TNFAIP8: variants seen among roughly 807,000 people sequenced by gnomAD.
TNFAIP8 encodes tumor necrosis factor alpha-induced protein 8.
Under a neutral mutation model 13.3 loss-of-function variants are expected in TNFAIP8, and 7 were observed. The observed-to-expected ratio is 0.52, with a 90% CI of 0.30 to 0.99. The LOEUF (loss-of-function observed/expected upper bound fraction) is 0.99. Among genes scored for constraint, TNFAIP8 ranks in the 50% least tolerant of loss-of-function variants. The pLI, the probability that TNFAIP8 is intolerant of heterozygous loss-of-function variation, is 0.07. For synonymous variants in TNFAIP8, 94 were observed against 87.6 expected, an observed-to-expected ratio of 1.07 and a Z score of -0.41; for missense variants, 258 against 236.9, an observed-to-expected ratio of 1.09 and a Z score of -0.58.
intron 1 of TNFAIP8, among the ~76,000 whole-genome samples, chr5:119,280,469 C>A (rs891042496): frequency 6.6e-6 from 1 of 151,878 alleles, no homozygotes; most frequent in African/African-American, 2.4e-5. Context: ...GTGTTGATAA[C>A]AAGAAAGATT....
At chr5:119,298,815 C>G (rs1389647154) in intron 1 of TNFAIP8, among the ~76,000 whole-genome samples, 1 of 152,044 alleles carries the variant, frequency 6.6e-6, no homozygotes, top group East Asian at 1.9e-4. Context: ...TCTTTTTATT[C>G]TTTTTTCTCT....
At chr5:119,351,621 C>A (rs1020257669), upstream of TNFAIP8, among the ~76,000 whole-genome samples, 1 of 152,092 alleles carries the variant, frequency 6.6e-6, no homozygotes, top group Non-Finnish European at 1.5e-5. Flanking sequence ...GTAGCCCCAT[C>A]GCTAAGTTGA....
At chr5:119,369,023 A>G (rs1562023500) in intron 1 of TNFAIP8, among the ~76,000 whole-genome samples, 1 of 151,860 alleles carries the variant, frequency 6.6e-6, no homozygotes, top group Non-Finnish European at 1.5e-5. Flanking sequence ...GGGAACTGTT[A>G]ACATAAGCCA....
chr5:119,298,914 C>G (rs1237018461), intron 1 of TNFAIP8, among the ~76,000 whole-genome samples: 2 of 152,236 alleles, frequency 1.3e-5, no homozygotes, highest in African/African-American at 2.4e-5. Context: ...CCTGAGGCTT[C>G]TGCATTCTTC....
chr5:119,288,654 A>G (rs1049441781), intron 1 of TNFAIP8, among the ~76,000 whole-genome samples: 7 of 152,214 alleles, frequency 4.6e-5, no homozygotes, highest in African/African-American at 1.4e-4. Context: ...TTTGCTAATA[A>G]ATTTCAGGTC....
At chr5:119,317,600 T>A (rs4895366) in intron 1 of TNFAIP8, among the ~76,000 whole-genome samples, 40,942 of 145,974 alleles carry the variant, frequency 0.28, 6,464 homozygotes, top group Non-Finnish European at 0.36. Flanking sequence ...TAATAATAAT[T>A]ATTATTATTA....
At chr5:119,354,467 A>G (rs1316400841), upstream of TNFAIP8, 2 of 152,192 alleles carry the variant, frequency 1.3e-5, no homozygotes, top group South Asian at 2.1e-4. Context: ...ATTAATATTT[A>G]TAATAGCCTT....
chr5:119,325,785 C>A (rs934607871), intron 1 of TNFAIP8, among the ~76,000 whole-genome samples: 2 of 152,284 alleles, frequency 1.3e-5, no homozygotes, highest in Admixed American at 1.3e-4. Flanking sequence ...CCCTTGCTTC[C>A]GTCACTGTAG....
At chr5:119,368,633 A>G (rs1031922446) in intron 1 of TNFAIP8, among the ~76,000 whole-genome samples, 17 of 152,224 alleles carry the variant, frequency 1.1e-4, no homozygotes, top group African/African-American at 4.1e-4. Context: ...TGTTTTTCAA[A>G]TAAGAAACTG....
intron 1 of TNFAIP8, among the ~76,000 whole-genome samples, chr5:119,299,676 T>C (rs1397354637): frequency 3.3e-5 from 5 of 152,218 alleles, no homozygotes; most frequent in Non-Finnish European, 7.3e-5. Flanking sequence ...CAGAGGTTAC[T>C]GCTGTCTTTT....
rs1291735112 is a variant in TNFAIP8 at position 119,396,170 on chromosome 5, T to C, written c.*2789T>C. 6.6e-6 allele frequency: 1 copy of C among 152,214 alleles called. No homozygotes were observed. Among genetic ancestry groups the C allele is most frequent in the Non-Finnish European group, 1.5e-5 (1 of 68,036 alleles). The allele number at this position is 152,214 out of a possible 1,614,324, so 9.4% of individuals were successfully genotyped here. A position where few individuals can be genotyped will look rare whatever the true frequency, so the allele number is the denominator to read the frequency against. ...ATCTTATTTTCACTTAAAGATGATATGGCTAAAGGCAGTGCTAGGAACATC... is the reference window on the plus strand; with the variant it reads ...ATCTTATTTTCACTTAAAGATGATACGGCTAAAGGCAGTGCTAGGAACATC... On this transcript the variant is annotated 3_prime_UTR_variant, in exon 2 of 2. Transcript: ENST00000504771.
chr5:119,353,395 AG>A (rs2112764267), upstream of TNFAIP8, among the ~76,000 whole-genome samples: 1 of 152,334 alleles, frequency 6.6e-6, no homozygotes, highest in African/African-American at 2.4e-5. Flanking sequence ...GTTGCAGGGT[AG>A]GGGTATGGGG....
At chr5:119,373,708 C>T (rs1361574214) in intron 1 of TNFAIP8, among the ~76,000 whole-genome samples, 1 of 152,154 alleles carries the variant, frequency 6.6e-6, no homozygotes, top group Non-Finnish European at 1.5e-5. Context: ...GGTACGTATG[C>T]CACTGGTAGT....
chr5:119,375,556 G>A (rs1445968060), intron 1 of TNFAIP8, among the ~76,000 whole-genome samples: 1 of 152,060 alleles, frequency 6.6e-6, no homozygotes, highest in Non-Finnish European at 1.5e-5. Flanking sequence ...CGTATATTTT[G>A]GAAAACGTTT....
At chr5:119,345,890 T>C (rs1750881872) in intron 1 of TNFAIP8, among the ~76,000 whole-genome samples, 2 of 152,272 alleles carry the variant, frequency 1.3e-5, no homozygotes, top group South Asian at 4.1e-4. Context: ...CCACAATTTT[T>C]AAAAAATACA....
chr5:119,356,714 TTGTC>T (rs1376928787), intron 1 of TNFAIP8, among the ~76,000 whole-genome samples: 5 of 152,094 alleles, frequency 3.3e-5, no homozygotes, highest in African/African-American at 4.8e-5. Context: ...TGAGAAGAGT[TTGTC>T]TGTTTCTAAC....
At chr5:119,323,868 T>C (rs1180265905) in intron 1 of TNFAIP8, among the ~76,000 whole-genome samples, 1 of 152,176 alleles carries the variant, frequency 6.6e-6, no homozygotes, top group East Asian at 1.9e-4. Flanking sequence ...CTGAGACTTG[T>C]TGAGACTTGT....
intron 1 of TNFAIP8, among the ~76,000 whole-genome samples, chr5:119,304,417 C>T (rs539786018): frequency 6.6e-6 from 1 of 152,246 alleles, no homozygotes; most frequent in African/African-American, 2.4e-5. Flanking sequence ...AAGGCACTCA[C>T]TCTGTGCTTT....
At chr5:119,368,417 C>T (rs1036243577) in intron 1 of TNFAIP8, among the ~76,000 whole-genome samples, 11 of 142,214 alleles carry the variant, frequency 7.7e-5, no homozygotes, top group Admixed American at 4.9e-4. Flanking sequence ...TTTCACTTAC[C>T]TATTCTAAGC....
Sources: gnomAD v4.1 joint callset for allele counts (sites outside exome capture counted in the v4.1 genomes callset) on GRCh38, gnomAD v4.1.1 for gene constraint, MANE v1.5 for transcripts, NCBI Gene and HGNC (gene_info 2026-07-23, HGNC 2026-07-21) for gene names.